PCDHGA12: variants seen among roughly 807,000 people sequenced by gnomAD.
The protein encoded by PCDHGA12 is protocadherin gamma-A12.
Under a neutral mutation model 61.1 loss-of-function variants are expected in PCDHGA12, and 43 were observed. The observed-to-expected ratio is 0.70, with a 90% CI of 0.55 to 0.91. The LOEUF is 0.91. Ranked by LOEUF, PCDHGA12 falls within the 40% of genes least tolerant of loss-of-function variation. PCDHGA12 has a pLI of 0.00. For missense variants in PCDHGA12, 1,236 were observed against 1,227.7 expected (o/e 1.01, Z -0.10); for synonymous variants, 520 against 542.9 (o/e 0.96, Z 0.59).
chr5:141,511,118 C>T lies in PCDHGA12; in HGVS notation c.2744C>T (p.Ala915Val), dbSNP rs1352222210. 1.2e-6 allele frequency: 2 copies of T among 1,614,094 alleles called. No individual in the cohort carries two copies. The highest frequency in any genetic ancestry group is 1.7e-6 in the Non-Finnish European group (2 of 1,180,022). The change falls in exon 4 of 4, where the codon GCC (alanine) becomes GTC (valine). Residue 915 changes from alanine to valine, a missense_variant. Coordinates refer to ENST00000252085, the MANE Select transcript of PCDHGA12 (RefSeq NM_003735.3). ...GCAGCTGGCAAGCGGGATGGCAAGG[C>T]CCCAGCAGGTGGCAATGGCAACAAG... is the stretch of plus-strand genomic sequence containing the variant. ...TNAAGKRDGK[A>V]PAGGNGNKKK... is the part of the protein sequence containing the mutation.
At chr5:141,479,535 G>A (rs539785154) in intron 1 of PCDHGA12, 2 of 152,378 alleles carry the variant, frequency 1.3e-5, no homozygotes, top group Non-Finnish European at 2.9e-5. Context: ...AAGTGGAGAA[G>A]GTCAAAACTG....
Position 141,494,824 on chromosome 5 carries a change from G to A in PCDHGA12, c.2442G>A (p.Thr814=), listed in dbSNP as rs1423741889. The A allele has an allele frequency of 1.8e-5, 29 of 1,613,924 alleles. No homozygotes were observed. Among genetic ancestry groups the A allele is most frequent in the Non-Finnish European group, 2.4e-5 (28 of 1,180,032 alleles). Residue 814 remains threonine (T), a synonymous_variant, in exon 2 of 4, where the codon ACG becomes ACA. Transcript: ENST00000252085. The part of the protein sequence containing the change: ...HGLIEQAPPN[T]DWRFSQAQRP... ...CTCCACAGCAAGCCCCGCCCAACAC[G>A]GACTGGCGTTTCTCTCAGGCCCAGA...
In PCDHGA12 at chr5:141,487,265, G is replaced by A; in HGVS notation, c.2425-7542G>A. 2 of 1,614,158 alleles carry A rather than the reference G, an allele frequency of 1.2e-6. 1 individual carries two copies. Among genetic ancestry groups the A allele is most frequent in the South Asian group, 2.2e-5 (2 of 91,084 alleles). On this transcript the variant is annotated intron_variant, in intron 1 of 3. Transcript: ENST00000252085. The surrounding 1 kb of genome is among the most constrained non-coding windows in gnomAD (Gnocchi z 5.0). Reference sequence around the variant, plus strand: ...AACCCTCTACTTGGCTGTGTCCCTAGTGGCAATTTGCTTTGTCTCCTTTGG... The same window carrying A: ...AACCCTCTACTTGGCTGTGTCCCTAATGGCAATTTGCTTTGTCTCCTTTGG...
In PCDHGA12 at chr5:141,448,136, A is replaced by G. The variant is rs2098567363; in HGVS notation, c.2424+14953A>G. Among the ~76,000 whole-genome samples, 5 of 152,036 alleles carry G rather than the reference A, an allele frequency of 3.3e-5. No individual in the cohort carries two copies. The South Asian group carries it at 1.0e-3, about 32-fold the overall frequency. On this transcript the variant is annotated intron_variant, in intron 1 of 3. Transcript: ENST00000252085. ...AAAATTAGCCTCCCCCACCCTCACT[A>G]TACCTCAGACTCACCCCTGAAAGAT...
At chr5:141,497,101 G>A (rs1465038195) in intron 2 of PCDHGA12, among the ~76,000 whole-genome samples, 1 of 152,042 alleles carries the variant, frequency 6.6e-6, no homozygotes, top group African/African-American at 2.4e-5. Flanking sequence ...AGGCAGAACT[G>A]CTTGAACCCG....
At position 141,431,294 on chromosome 5, in the gene PCDHGA12, T is replaced by C; in HGVS notation, c.535T>C (p.Ser179Pro). 1.9e-6 allele frequency: 3 copies of C among 1,614,096 alleles called. No individual in the cohort carries two copies. Among genetic ancestry groups the C allele is most frequent in the Non-Finnish European group, 2.5e-6 (3 of 1,180,026 alleles). ...CGAGCTCAGCCCGAACACTCACTTC[T>C]CCCTCATCGTGCAAAATGGAGCCGA... ...SYELSPNTHF[S>P]LIVQNGADGS... Residue 179 changes from serine to proline, a missense_variant, in exon 1 of 4, where the codon TCC becomes CCC. Ser to Pro is a moderately conservative substitution (Grantham distance 74). Transcript: ENST00000252085. The surrounding 1 kb of genome is among the most constrained non-coding windows in gnomAD (Gnocchi z 4.8).
chr5:141,467,681 A>G (rs2099148744), intron 1 of PCDHGA12, among the ~76,000 whole-genome samples: 1 of 152,076 alleles, frequency 6.6e-6, no homozygotes, highest in African/African-American at 2.4e-5. Flanking sequence ...TATTTTTTTT[A>G]GACAGGGTCT....
At chr5:141,461,131 T>G (rs1372557827) in intron 1 of PCDHGA12, among the ~76,000 whole-genome samples, 1 of 152,094 alleles carries the variant, frequency 6.6e-6, no homozygotes, top group Non-Finnish European at 1.5e-5. Flanking sequence ...TATAATTACT[T>G]ATTTTCCTTT....
At chr5:141,462,157 A>C (rs1232551906) in intron 1 of PCDHGA12, among the ~76,000 whole-genome samples, 1 of 151,394 alleles carries the variant, frequency 6.6e-6, no homozygotes, top group African/African-American at 2.4e-5. Flanking sequence ...ATGGGGTTTC[A>C]TCATGTTGGC....
At chr5:141,495,571 C>T (rs1031548699) in intron 2 of PCDHGA12, among the ~76,000 whole-genome samples, 1 of 152,198 alleles carries the variant, frequency 6.6e-6, no homozygotes, top group African/African-American at 2.4e-5. Flanking sequence ...TCTGCCTCTC[C>T]CTCTCTTCTC....
Position 141,487,106 on chromosome 5 carries a change from A to G in PCDHGA12, c.2425-7701A>G, listed in dbSNP as rs777727830. ...TGACCTCCCACCACAGAAGCTGGTC[A>G]TTGTGGTAAAGGATAGTGGTAGTCC... On this transcript the variant is annotated intron_variant, in intron 1 of 3. Transcript: ENST00000252085. The surrounding 1 kb of genome is among the most constrained non-coding windows in gnomAD (Gnocchi z 5.0). 1 of 1,613,902 alleles carries G rather than the reference A, an allele frequency of 6.2e-7. No individual in the cohort carries two copies. The highest frequency in any genetic ancestry group is 1.3e-5 in the African/African-American group (1 of 75,028).
Position 141,490,225 on chromosome 5 carries a change from G to A in PCDHGA12, c.2425-4582G>A, listed in dbSNP as rs2099697468. On this transcript the variant is annotated intron_variant, in intron 1 of 3. Coordinates refer to ENST00000252085, the MANE Select transcript of PCDHGA12 (RefSeq NM_003735.3). This position sits in a 1 kb window ranked among gnomAD's most constrained non-coding sequence, Gnocchi z 5.4. The stretch of plus-strand genomic sequence containing the variant: ...AAGAGCCCGTGACCAGGGACAGCCT[G>A]CCATGGAGGGCCACTGTGTGATTCA... The A allele has an allele frequency of 6.2e-7, 1 of 1,614,112 alleles. No homozygotes were observed. The highest frequency in any genetic ancestry group is 1.1e-5 in the South Asian group (1 of 91,090).
intron 1 of PCDHGA12, chr5:141,440,034 A>T (rs995962283): frequency 6.5e-6 from 1 of 153,052 alleles, no homozygotes; most frequent in African/African-American, 2.4e-5. Context: ...AGTGTCGAGG[A>T]CATGCCCACT....
chr5:141,462,552 T>G (rs966816379), intron 1 of PCDHGA12, among the ~76,000 whole-genome samples: 4 of 152,194 alleles, frequency 2.6e-5, no homozygotes, highest in African/African-American at 9.6e-5. Context: ...TCTTCTTCAG[T>G]GTTTACTGTA....
At chr5:141,457,107 A>G (rs2098908740) in intron 1 of PCDHGA12, among the ~76,000 whole-genome samples, 1 of 152,260 alleles carries the variant, frequency 6.6e-6, no homozygotes, top group African/African-American at 2.4e-5. Flanking sequence ...ATTAAGCAAA[A>G]TACGACAGCA....
chr5:141,468,131 C>G (rs1006565854), intron 1 of PCDHGA12, among the ~76,000 whole-genome samples: 1 of 151,766 alleles, frequency 6.6e-6, no homozygotes, highest in African/African-American at 2.4e-5. Flanking sequence ...TTGAGACCAG[C>G]CTGGCCAACA....
chr5:141,438,586 A>G (rs949534736), intron 1 of PCDHGA12, among the ~76,000 whole-genome samples: 2 of 56,254 alleles, frequency 3.6e-5, no homozygotes, highest in South Asian at 6.2e-4. Context: ...ATACATACAT[A>G]CATACATATA....
In PCDHGA12 at chr5:141,489,223, C is replaced by T. The variant is rs771455540; in HGVS notation, c.2425-5584C>T. The T allele has an allele frequency of 6.6e-7, 1 of 1,515,444 alleles. No homozygotes were observed. The highest frequency in any genetic ancestry group is 1.3e-5 in the South Asian group (1 of 75,776). 93.9% of individuals were successfully genotyped at this position (1,515,444 alleles called of 1,614,324 possible). A position where few individuals can be genotyped will look rare whatever the true frequency, so the allele number is the denominator to read the frequency against. The stretch of plus-strand genomic sequence containing the variant: ...CAGGACAGCACAGACTTACTCTCCA[C>T]AAAGGGACTTCTGGGTCATGGGGCC... On this transcript the variant is annotated intron_variant, in intron 1 of 3. Coordinates refer to ENST00000252085, the MANE Select transcript of PCDHGA12 (RefSeq NM_003735.3). The surrounding 1 kb of genome is among the most constrained non-coding windows in gnomAD (Gnocchi z 4.5).
At position 141,431,435 on chromosome 5, in the gene PCDHGA12, G is replaced by A. The variant is rs376827063; in HGVS notation, c.676G>A (p.Ala226Thr). ...DGGDPVRTGT[A>T]RIRVMVLDAN... ...GGGCGACCCGGTGCGCACAGGCACC[G>A]CGCGCATCCGCGTGATGGTTCTGGA... Residue 226 changes from alanine (A) to threonine (T), a missense_variant, in exon 1 of 4, where the codon GCG (alanine) becomes ACG (threonine). Physicochemically the swap from Ala to Thr is moderately conservative, Grantham distance 58. Coordinates refer to ENST00000252085, the MANE Select transcript of PCDHGA12 (RefSeq NM_003735.3). The surrounding 1 kb of genome is among the most constrained non-coding windows in gnomAD (Gnocchi z 4.8). 2.5e-6 allele frequency: 4 copies of A among 1,613,550 alleles called. No homozygotes were observed. Among genetic ancestry groups the A allele is most frequent in the Non-Finnish European group, 3.4e-6 (4 of 1,180,034 alleles).
Sources: allele counts gnomAD v4.1 joint callset (sites outside exome capture counted in the v4.1 genomes callset), GRCh38; gene constraint gnomAD v4.1.1; non-coding constraint Gnocchi (gnomAD v3.1); transcripts MANE v1.5; gene names NCBI Gene and HGNC (gene_info 2026-07-23, HGNC 2026-07-21).